The following EIPR1 variants were observed in gnomAD, a reference collection of about 807,000 sequenced individuals.
EIPR1 encodes EARP complex and GARP complex interacting protein 1.
Under a neutral mutation model 48.1 loss-of-function variants are expected in EIPR1, and 25 were observed. The ratio of observed to expected loss-of-function variants is 0.52; its 90% CI spans 0.38 to 0.73. The LOEUF (loss-of-function observed/expected upper bound fraction) is 0.73. Among genes scored for constraint, EIPR1 ranks in the 30% least tolerant of loss-of-function variants. The pLI, the probability that EIPR1 is intolerant of heterozygous loss-of-function variation, is 0.00. For missense variants in EIPR1, 415 were observed against 506.2 expected, an observed-to-expected ratio of 0.82 and a Z score of 1.73; for synonymous variants, 204 against 201.9, an observed-to-expected ratio of 1.01 and a Z score of -0.09.
chr2:3,218,258 TCA>T (rs1430203033), intron 4 of EIPR1, among the ~76,000 whole-genome samples: 4 of 148,542 alleles, frequency 2.7e-5, no homozygotes, highest in Admixed American at 2.0e-4. Context: ...TCTAGAGCGT[TCA>T]CAGTGACCCA....
intron 5 of EIPR1, chr2:3,208,902 A>G: frequency 2.6e-6 from 4 of 1,547,796 alleles, no homozygotes; most frequent in Non-Finnish European, 3.5e-6. Context: ...CAGCCTGGGA[A>G]TGATGGCACA....
chr2:3,197,944 G>A lies in EIPR1; in HGVS notation c.517-927C>T, dbSNP rs148438225. ...GTCCAAACGAGCTGCTAGACAGGCC[G>A]TGAGAGGCCCAATGACCGAGCTGGT... On this transcript the variant is annotated intron_variant, in intron 5 of 8. Transcript: ENST00000382125. 1.1e-3 allele frequency among the ~76,000 whole-genome samples: 165 copies of A among 152,326 alleles called. 1 individual carries two copies. The highest frequency in any genetic ancestry group is 3.8e-3 in the African/African-American group (156 of 41,580).
intron 2 of EIPR1, among the ~76,000 whole-genome samples, chr2:3,348,378 G>C (rs1670467705): frequency 6.6e-6 from 1 of 152,144 alleles, no homozygotes; most frequent in Non-Finnish European, 1.5e-5. Context: ...ATCTACATGA[G>C]AAAGAGGGGG....
At chr2:3,308,975 C>T (rs1212751731) in intron 3 of EIPR1, among the ~76,000 whole-genome samples, 1 of 152,058 alleles carries the variant, frequency 6.6e-6, no homozygotes, top group African/African-American at 2.4e-5. Flanking sequence ...GACCTACCCT[C>T]AAAGGATGGA....
intron 4 of EIPR1, among the ~76,000 whole-genome samples, chr2:3,223,797 C>CG (rs1665974347): frequency 2.0e-5 from 3 of 152,078 alleles, no homozygotes; most frequent in Non-Finnish European, 4.4e-5. Flanking sequence ...AGGGCTGGAA[C>CG]GGCATGGCGG....
rs532807247 is a variant in EIPR1, at chr2:3,236,995, A to G, written c.416+20304T>C. On this transcript the variant is annotated intron_variant, in intron 4 of 8. Coordinates refer to ENST00000382125, the MANE Select transcript of EIPR1 (RefSeq NM_003310.5). Reference sequence around the variant, plus strand: ...ATTTGTACCATGTTAACACACGAGAAAAACAAAGCCGGGTGGCTGTGATTT... The same window carrying G: ...ATTTGTACCATGTTAACACACGAGAGAAACAAAGCCGGGTGGCTGTGATTT... 2.1e-4 allele frequency among the ~76,000 whole-genome samples: 32 copies of G among 152,226 alleles called. No homozygotes were observed. In the East Asian group the frequency reaches 6.0e-3, roughly 28 times the overall value.
intron 3 of EIPR1, chr2:3,274,525 A>G: frequency 2.9e-6 from 4 of 1,364,436 alleles, no homozygotes; most frequent in Non-Finnish European, 3.8e-6. Context: ...TATAAATAAA[A>G]TATTTTTAAA....
chr2:3,334,098 A>T (rs566697137), intron 3 of EIPR1, among the ~76,000 whole-genome samples: 1 of 152,390 alleles, frequency 6.6e-6, no homozygotes, highest in East Asian at 1.9e-4. Flanking sequence ...CTCCAAGTAC[A>T]GCAGACAACA....
At position 3,288,051 on chromosome 2, in the gene EIPR1, G is replaced by A. The variant is rs139809576; in HGVS notation, c.260-30596C>T. Among the ~76,000 whole-genome samples the A allele has an allele frequency of 1.6e-4, 25 of 152,336 alleles. No homozygotes were observed. In the East Asian group the frequency reaches 4.4e-3, roughly 27 times the overall value. Reference sequence around the variant, plus strand: ...CTCCTCCCCGTGGCCCGAGTCTGCTGTAGGTAAGGTTGTCGCAGGGTGCAT... The same window carrying A: ...CTCCTCCCCGTGGCCCGAGTCTGCTATAGGTAAGGTTGTCGCAGGGTGCAT... On this transcript the variant is annotated intron_variant, in intron 3 of 8. Transcript: ENST00000382125.
intron 4 of EIPR1, among the ~76,000 whole-genome samples, chr2:3,256,271 C>T (rs945686455): frequency 1.3e-5 from 2 of 152,186 alleles, no homozygotes; most frequent in Non-Finnish European, 2.9e-5. Flanking sequence ...ACCTCGTAAG[C>T]GAATCCCTCT....
intron 4 of EIPR1, among the ~76,000 whole-genome samples, chr2:3,250,417 C>T (rs1258392620): frequency 1.3e-5 from 2 of 152,274 alleles, no homozygotes; most frequent in Non-Finnish European, 2.9e-5. Flanking sequence ...ATGCCTGCAC[C>T]CCCATTGTAA....
intron 5 of EIPR1, among the ~76,000 whole-genome samples, chr2:3,213,431 A>C (rs1317103502): frequency 6.6e-6 from 1 of 152,216 alleles, no homozygotes; most frequent in African/African-American, 2.4e-5. Context: ...ACTCAACCCA[A>C]AGAAAGCGCT....
At chr2:3,196,786 A>G (rs764275922) in intron 6 of EIPR1, 95 bp downstream of exon 6, 201 of 1,495,306 alleles carry the variant, frequency 1.3e-4, no homozygotes, top group Non-Finnish European at 1.7e-4. Flanking sequence ...TGCGCCCCCA[A>G]AGGCATGTGG....
chr2:3,351,726 C>T (rs576227941), intron 2 of EIPR1, among the ~76,000 whole-genome samples: 5 of 152,256 alleles, frequency 3.3e-5, no homozygotes, highest in East Asian at 1.9e-4. Flanking sequence ...CATACACATT[C>T]GGAAAACAAA....
chr2:3,368,814 C>T (rs1241697226), intron 1 of EIPR1, among the ~76,000 whole-genome samples: 1 of 152,126 alleles, frequency 6.6e-6, no homozygotes, highest in Non-Finnish European at 1.5e-5. Flanking sequence ...AAATTTCATG[C>T]ATTTCAAATA....
At chr2:3,195,804 G>C (rs530381864) in intron 6 of EIPR1, among the ~76,000 whole-genome samples, 42 of 152,228 alleles carry the variant, frequency 2.8e-4, no homozygotes, top group Middle Eastern at 3.4e-3. Context: ...ATGAGAAGGC[G>C]CCAGGACCCT....
At chr2:3,218,123 C>T (rs1438595394) in intron 4 of EIPR1, among the ~76,000 whole-genome samples, 1 of 151,896 alleles carries the variant, frequency 6.6e-6, no homozygotes, top group Non-Finnish European at 1.5e-5. Flanking sequence ...CAGGTGCACA[C>T]CCAACACGGC....
At chr2:3,371,111 A>G (rs753373820) in intron 1 of EIPR1, among the ~76,000 whole-genome samples, 6 of 152,354 alleles carry the variant, frequency 3.9e-5, no homozygotes, top group African/African-American at 1.4e-4. Flanking sequence ...ATAATTTTCA[A>G]CCCAGAATTT....
chr2:3,201,535 G>C (rs972973846), intron 5 of EIPR1, among the ~76,000 whole-genome samples: 4 of 152,312 alleles, frequency 2.6e-5, no homozygotes, highest in Non-Finnish European at 5.9e-5. Flanking sequence ...GACACAGAGC[G>C]GGGGCACAGG....
Sources: gnomAD v4.1 joint callset for allele counts (sites outside exome capture counted in the v4.1 genomes callset) on GRCh38, gnomAD v4.1.1 for gene constraint, MANE v1.5 for transcripts, NCBI Gene and HGNC (gene_info 2026-07-23, HGNC 2026-07-21) for gene names.